YAF2: variants seen among roughly 807,000 people sequenced by gnomAD.
YAF2 encodes YY1 associated factor 2, also known as YY1-associated factor 2.
YAF2 carries 7 observed loss-of-function variants against 20.1 expected under a neutral mutation model. That is an observed-to-expected ratio of 0.35 (90% confidence interval 0.20 to 0.65). YAF2 has a LOEUF of 0.65. Ranked by LOEUF, YAF2 falls within the 30% of genes least tolerant of loss-of-function variation. The pLI is 0.69. For missense variants in YAF2, 151 were observed against 219.2 expected (o/e 0.69, Z 1.96); for synonymous variants, 74 against 76.0 (o/e 0.97, Z 0.14).
chr12:42,217,200 T>C (rs1345313019), intron 2 of YAF2, among the ~76,000 whole-genome samples: 1 of 152,218 alleles, frequency 6.6e-6, no homozygotes, highest in Admixed American at 6.5e-5. Context: ...TGCTAATAAT[T>C]GAACATGCAG....
chr12:42,168,457 T>C (rs2065966937), intron 2 of YAF2, among the ~76,000 whole-genome samples: 1 of 152,058 alleles, frequency 6.6e-6, no homozygotes, highest in African/African-American at 2.4e-5. Context: ...GCTGGGATTA[T>C]AGATGTGAGC....
intron 2 of YAF2, among the ~76,000 whole-genome samples, chr12:42,165,452 G>GGTTTTTGTTTTT (rs375008305): frequency 4.6e-5 from 7 of 151,920 alleles, no homozygotes; most frequent in African/African-American, 1.4e-4. Context: ...ATGGCCAAAA[G>GGTTTTTGTTTTT]GTTTTTGTTT....
At position 42,160,711 on chromosome 12, in the gene YAF2, T is replaced by C. The variant is rs771885094; in HGVS notation, c.421A>G (p.Ser141Gly). 1.4e-5 allele frequency: 22 copies of C among 1,613,580 alleles called. No individual in the cohort carries two copies. Among genetic ancestry groups the C allele is most frequent in the Non-Finnish European group, 1.7e-5 (20 of 1,179,820 alleles). ...CTGTGTTGATCTGCAGAAGCAGCAC[T>C]AGATGCAGGCGGTGACTTTGTTTTC... is the stretch of plus-strand genomic sequence containing the variant. ...KEKTKSPPAS[S>G]AASADQHSQS... Residue 141 changes from serine to glycine, a missense_variant, in exon 4 of 4, where the codon AGT becomes GGT. Physicochemically the swap from Ser to Gly is moderately conservative, Grantham distance 56 (BLOSUM62 0). Transcript: ENST00000534854.
At chr12:42,179,613 A>G (rs1250488756) in intron 2 of YAF2, among the ~76,000 whole-genome samples, 1 of 151,574 alleles carries the variant, frequency 6.6e-6, no homozygotes, top group Non-Finnish European at 1.5e-5. Flanking sequence ...ACATGGTGAA[A>G]CCCCATCTCT....
chr12:42,215,927 A>AAAATAAATAAAT (rs67295015), intron 2 of YAF2, among the ~76,000 whole-genome samples: 9 of 144,814 alleles, frequency 6.2e-5, no homozygotes, highest in South Asian at 2.2e-4. Flanking sequence ...TCCAGCTCAA[A>AAAATAAATAAAT]AAATAAATAA....
intron 2 of YAF2, among the ~76,000 whole-genome samples, chr12:42,165,566 C>T (rs1464308925): frequency 6.6e-6 from 1 of 151,366 alleles, no homozygotes; most frequent in Admixed American, 6.6e-5. Flanking sequence ...TGGGTTCACG[C>T]CATTCTCCTG....
At chr12:42,226,469 C>T (rs2067700489) in intron 2 of YAF2, among the ~76,000 whole-genome samples, 2 of 152,094 alleles carry the variant, frequency 1.3e-5, no homozygotes, top group South Asian at 4.2e-4. Context: ...CGAGACCAGA[C>T]TGGGCAACAT....
At chr12:42,230,917 T>G (rs1310133575) in intron 2 of YAF2, among the ~76,000 whole-genome samples, 1 of 152,212 alleles carries the variant, frequency 6.6e-6, no homozygotes, top group East Asian at 1.9e-4. Context: ...CATCAACAGA[T>G]GAGTGAGATT....
At chr12:42,236,185 C>T (rs2068148940) in intron 2 of YAF2, among the ~76,000 whole-genome samples, 1 of 152,188 alleles carries the variant, frequency 6.6e-6, no homozygotes, top group African/African-American at 2.4e-5. Flanking sequence ...TTTTAAAAAG[C>T]ACAAAGTACT....
At chr12:42,195,476 GA>G (rs1303152408) in intron 2 of YAF2, among the ~76,000 whole-genome samples, 1 of 152,044 alleles carries the variant, frequency 6.6e-6, no homozygotes, top group African/African-American at 2.4e-5. Context: ...ACAGGCCAGG[GA>G]AAAAAGTATC....
intron 2 of YAF2, among the ~76,000 whole-genome samples, chr12:42,168,040 GAAT>G (rs746716106): frequency 2.6e-5 from 4 of 151,984 alleles, no homozygotes; most frequent in Non-Finnish European, 5.9e-5. Flanking sequence ...TAATATTTAT[GAAT>G]AATATACAAA....
At position 42,210,975 on chromosome 12, in the gene YAF2, T is replaced by C. The variant is rs116019741; in HGVS notation, c.152+26624A>G. The C allele has an allele frequency of 2.8e-3, 569 of 201,408 alleles. 5 individuals carry two copies. Among genetic ancestry groups the C allele is most frequent in the African/African-American group, 0.013 (551 of 43,106 alleles). 12.5% of individuals were successfully genotyped at this position (201,408 alleles called of 1,614,324 possible). A position where few individuals can be genotyped will look rare whatever the true frequency, so the allele number is the denominator to read the frequency against. On this transcript the variant is annotated intron_variant, in intron 2 of 3. Transcript: ENST00000534854. ...TGAAACAATATCATTATATTTTATA[T>C]TAGTACAAGAATAATTAGTTGATCA...
chr12:42,234,399 T>G (rs1272422867), intron 2 of YAF2: 1 of 985,200 alleles, frequency 1.0e-6, no homozygotes, highest in African/African-American at 1.7e-5. Context: ...AAAAATGACC[T>G]GTTGGGTATA....
intron 2 of YAF2, among the ~76,000 whole-genome samples, chr12:42,226,681 A>C (rs1453549740): frequency 6.6e-6 from 1 of 152,208 alleles, no homozygotes; most frequent in African/African-American, 2.4e-5. Context: ...AAATAAATAA[A>C]TAATGCTAAA....
rs115888771 is a variant in YAF2 at position 42,182,264 on chromosome 12, A to G, written c.153-20499T>C. Reference sequence around the variant, plus strand: ...AGAAGGCATGAAATTCTGTTAACATATGATGTGGCCGGGTATTTTATAATG... The same window carrying G: ...AGAAGGCATGAAATTCTGTTAACATGTGATGTGGCCGGGTATTTTATAATG... On this transcript the variant is annotated intron_variant, in intron 2 of 3. Transcript: ENST00000534854. Among the ~76,000 whole-genome samples the G allele has an allele frequency of 5.4e-3, 817 of 152,272 alleles. 6 individuals carry two copies. The highest frequency in any genetic ancestry group is 0.019 in the African/African-American group (771 of 41,558).
chr12:42,173,095 AT>A (rs1229780522), intron 2 of YAF2, among the ~76,000 whole-genome samples: 1 of 152,066 alleles, frequency 6.6e-6, no homozygotes, highest in Non-Finnish European at 1.5e-5. Flanking sequence ...TGGAGTAAAA[AT>A]TCTTCTAAAT....
chr12:42,235,970 C>T, intron 2 of YAF2: 1 of 1,536,114 alleles, frequency 6.5e-7, no homozygotes, highest in Non-Finnish European at 8.7e-7. Flanking sequence ...TGGAGTAGGA[C>T]ACCAGCTTCC....
intron 2 of YAF2, among the ~76,000 whole-genome samples, chr12:42,201,123 A>G (rs1423224133): frequency 1.3e-5 from 2 of 152,216 alleles, no homozygotes; most frequent in African/African-American, 4.8e-5. Context: ...TAACTATTCT[A>G]TATCTTATTT....
At chr12:42,226,391 A>C (rs1189448197) in intron 2 of YAF2, among the ~76,000 whole-genome samples, 3 of 152,198 alleles carry the variant, frequency 2.0e-5, no homozygotes, top group Admixed American at 2.0e-4. Context: ...ATCTGGGTGC[A>C]GTGGTTCATG....
Sources: allele counts gnomAD v4.1 joint callset (sites outside exome capture counted in the v4.1 genomes callset), GRCh38; gene constraint gnomAD v4.1.1; transcripts MANE v1.5; gene names NCBI Gene and HGNC (gene_info 2026-07-23, HGNC 2026-07-21).